The following IQCM variants were observed in gnomAD, a reference collection of about 807,000 sequenced individuals.
The protein encoded by IQCM is IQ domain-containing protein M.
In IQCM, 45 loss-of-function variants were observed where a neutral mutation model predicts 57.6. The observed-to-expected ratio is 0.78, with a 90% CI of 0.62 to 1.00. The LOEUF (loss-of-function observed/expected upper bound fraction) is 1.00, where lower values mean the gene tolerates loss of function less well. IQCM is among the 50% of genes least tolerant of loss of function. The pLI, the probability that IQCM is intolerant of heterozygous loss-of-function variation, is 0.00. For synonymous variants in IQCM, 148 were observed against 158.9 expected (o/e 0.93, Z 0.51); for missense variants, 468 against 511.6 (o/e 0.91, Z 0.82).
intron 13 of IQCM, among the ~76,000 whole-genome samples, chr4:149,384,130 A>G (rs373649460): frequency 6.6e-6 from 1 of 152,156 alleles, no homozygotes; most frequent in African/African-American, 2.4e-5. Context: ...TATTATAGTT[A>G]AGAAACTGAG....
At chr4:149,590,247 C>CTTT (rs71596214) in intron 8 of IQCM, among the ~76,000 whole-genome samples, 26 of 73,602 alleles carry the variant, frequency 3.5e-4, no homozygotes, top group Admixed American at 6.7e-4. Context: ...TTTTTCTTTC[C>CTTT]TTTTTTTTTT....
At position 149,563,815 on chromosome 4, in the gene IQCM, G is replaced by C; in HGVS notation, c.825C>G (p.Phe275Leu). The C allele has an allele frequency of 8.1e-7, 1 of 1,231,790 alleles. No homozygotes were observed. The highest frequency in any genetic ancestry group is 1.0e-6 in the Non-Finnish European group (1 of 987,808). 76.3% of individuals were successfully genotyped at this position (1,231,790 alleles called of 1,614,324 possible). ...ATTTTTTTCTTTCTCGGAACACTTG[G>C]AAGATTTCTATGTGTGGTCCAATTC... is the stretch of plus-strand genomic sequence containing the variant. Reference protein sequence around the residue: ...VKRIGPHIEIFQVFRERKKFM... With the variant: ...VKRIGPHIEILQVFRERKKFM... The change falls in exon 10 of 14, where the codon TTC becomes TTG. Residue 275 changes from phenylalanine to leucine, a missense_variant. Phe to Leu is a conservative substitution (Grantham distance 22). Coordinates refer to ENST00000636793, the MANE Select transcript of IQCM (RefSeq NM_001363507.2).
chr4:149,723,421 G>T (rs1281506391), intron 5 of IQCM, among the ~76,000 whole-genome samples: 1 of 151,940 alleles, frequency 6.6e-6, no homozygotes, highest in Non-Finnish European at 1.5e-5. Context: ...TTGGCTGTGG[G>T]TCTATCATAT....
rs376021371 is a variant in IQCM, at chr4:149,587,728, C to A, written c.749+202G>T. 3.3e-5 allele frequency among the ~76,000 whole-genome samples: 5 copies of A among 151,924 alleles called. No homozygotes were observed. The South Asian group carries it at 1.0e-3, about 31-fold the overall frequency. On this transcript the variant is annotated intron_variant, in intron 9 of 13. Coordinates refer to ENST00000636793, the MANE Select transcript of IQCM (RefSeq NM_001363507.2). ...GTAAAACTTCAGCTGGGTCTACTAA[C>A]TGATTACTAAAACACTCAAAAAACT...
chr4:149,408,293 T>A (rs191942091), intron 13 of IQCM, among the ~76,000 whole-genome samples: 2 of 152,176 alleles, frequency 1.3e-5, no homozygotes, highest in East Asian at 3.9e-4. Flanking sequence ...TAGGTGATTA[T>A]CATATCTAAA....
chr4:149,410,191 A>G (rs992354098), intron 13 of IQCM, among the ~76,000 whole-genome samples: 9 of 150,780 alleles, frequency 6.0e-5, no homozygotes, highest in Non-Finnish European at 1.2e-4. Context: ...TAAAACAAAC[A>G]AACAAACAAA....
At chr4:149,416,452 T>A (rs1733755411) in intron 13 of IQCM, among the ~76,000 whole-genome samples, 1 of 152,120 alleles carries the variant, frequency 6.6e-6, no homozygotes, top group Non-Finnish European at 1.5e-5. Flanking sequence ...ATCTCTTTCA[T>A]AAGGCAGTGT....
At chr4:149,610,521 A>G (rs1490946409) in intron 8 of IQCM, among the ~76,000 whole-genome samples, 1 of 152,062 alleles carries the variant, frequency 6.6e-6, no homozygotes, top group East Asian at 1.9e-4. Context: ...TGGCATAAAA[A>G]CAAATAGACC....
intron 13 of IQCM, among the ~76,000 whole-genome samples, chr4:149,355,485 C>T (rs1231491419): frequency 6.8e-6 from 1 of 147,612 alleles, no homozygotes; most frequent in Non-Finnish European, 1.5e-5. Context: ...TGACTGAGAA[C>T]ATGCGGTGTT....
chr4:149,513,770 G>A (rs1460243060), intron 12 of IQCM, among the ~76,000 whole-genome samples: 1 of 152,148 alleles, frequency 6.6e-6, no homozygotes, highest in African/African-American at 2.4e-5. Flanking sequence ...GTTAAGGTAA[G>A]TGGATTTCAC....
chr4:149,625,986 T>C (rs1756760308), intron 7 of IQCM, among the ~76,000 whole-genome samples: 1 of 152,166 alleles, frequency 6.6e-6, no homozygotes, highest in African/African-American at 2.4e-5. Context: ...ATGTTCTGTT[T>C]AATACTTTTT....
At chr4:149,664,387 C>T (rs1451430038) in intron 7 of IQCM, among the ~76,000 whole-genome samples, 1 of 152,054 alleles carries the variant, frequency 6.6e-6, no homozygotes, top group Admixed American at 6.6e-5. Flanking sequence ...TAAGTCCCCA[C>T]ATTGATATCT....
intron 5 of IQCM, among the ~76,000 whole-genome samples, chr4:149,723,573 A>G (rs1380566361): frequency 6.6e-6 from 1 of 151,960 alleles, no homozygotes; most frequent in Non-Finnish European, 1.5e-5. Context: ...AAGTCTGTTT[A>G]TGTGGTGAAT....
Position 149,749,775 on chromosome 4 carries a change from C to A in IQCM, c.-48-7036G>T, listed in dbSNP as rs1018361963. On this transcript the variant is annotated intron_variant, in intron 2 of 13. Coordinates refer to ENST00000636793, the MANE Select transcript of IQCM (RefSeq NM_001363507.2). The stretch of plus-strand genomic sequence containing the variant: ...ACCTATTAGAACCCTGAAAATACTA[C>A]CCTAGTCATTACAGGTGGTTCCATT... 2.6e-5 allele frequency among the ~76,000 whole-genome samples: 4 copies of A among 152,136 alleles called. No individual in the cohort carries two copies. In the East Asian group the frequency reaches 7.7e-4, roughly 29 times the overall value.
chr4:149,547,400 C>G (rs973282898), intron 12 of IQCM, among the ~76,000 whole-genome samples: 3 of 152,130 alleles, frequency 2.0e-5, no homozygotes, highest in Admixed American at 2.0e-4. Context: ...TATGGAAACA[C>G]AAATACTGTG....
chr4:149,439,904 TA>T (rs955550090), intron 12 of IQCM, among the ~76,000 whole-genome samples: 1 of 151,474 alleles, frequency 6.6e-6, no homozygotes, highest in African/African-American at 2.4e-5. Context: ...ATAACTTTAA[TA>T]AAAAAATTTA....
chr4:149,553,213 T>C lies in IQCM; in HGVS notation c.1023A>G (p.Arg341=). The C allele has an allele frequency of 8.1e-7, 1 of 1,232,040 alleles. No homozygotes were observed. Among genetic ancestry groups the C allele is most frequent in the Non-Finnish European group, 1.0e-6 (1 of 987,884 alleles). 76.3% of individuals were successfully genotyped at this position (1,232,040 alleles called of 1,614,324 possible). The part of the protein sequence containing the change: ...YGRLIHRVRY[R]RGLWRTRQIL... ...TTTGTCTTGTCCTCCAAAGACCACGTCGATATCTAACACGGTGGATTAGTC... is the reference window on the plus strand; with the variant it reads ...TTTGTCTTGTCCTCCAAAGACCACGCCGATATCTAACACGGTGGATTAGTC... Residue 341 remains arginine, a synonymous_variant, in exon 11 of 14, where the codon CGA becomes CGG. Coordinates refer to ENST00000636793, the MANE Select transcript of IQCM (RefSeq NM_001363507.2).
chr4:149,694,282 T>C (rs1430208700), intron 5 of IQCM, among the ~76,000 whole-genome samples: 2 of 143,042 alleles, frequency 1.4e-5, no homozygotes, highest in Non-Finnish European at 3.0e-5. Flanking sequence ...TGGAGTGCAG[T>C]GGCGGGATCT....
At chr4:149,459,266 T>A (rs1738022431) in intron 12 of IQCM, among the ~76,000 whole-genome samples, 1 of 152,230 alleles carries the variant, frequency 6.6e-6, no homozygotes, top group Non-Finnish European at 1.5e-5. Context: ...TTGCCTCCCA[T>A]TAATGTCAGA....
Sources: gnomAD v4.1 joint callset for allele counts (sites outside exome capture counted in the v4.1 genomes callset) on GRCh38, gnomAD v4.1.1 for gene constraint, MANE v1.5 for transcripts, NCBI Gene and HGNC (gene_info 2026-07-23, HGNC 2026-07-21) for gene names.